Variants in NDST1 observed in about 807,000 individuals in gnomAD.
NDST1 encodes bifunctional heparan sulfate N-deacetylase/N-sulfotransferase 1.
Under a neutral mutation model 92.8 loss-of-function variants are expected in NDST1, and 35 were observed. The observed-to-expected ratio is 0.38, with a 90% CI of 0.29 to 0.50. The LOEUF (loss-of-function observed/expected upper bound fraction) is 0.50. Ranked by LOEUF, NDST1 falls within the 20% of genes least tolerant of loss-of-function variation. NDST1 has a pLI of 0.94. For missense variants in NDST1, 822 were observed against 1,182.7 expected (o/e 0.69, Z 4.47); for synonymous variants, 493 against 500.3 (o/e 0.99, Z 0.19).
chr5:150,526,718 G>A (rs1183353556), intron 2 of NDST1, among the ~76,000 whole-genome samples: 2 of 152,214 alleles, frequency 1.3e-5, no homozygotes, highest in African/African-American at 4.8e-5. Context: ...TATGCATTGG[G>A]TGTGAATTAT....
At chr5:150,500,535 G>A (rs555955623) in intron 1 of NDST1, among the ~76,000 whole-genome samples, 21 of 152,360 alleles carry the variant, frequency 1.4e-4, no homozygotes, top group Admixed American at 3.3e-4. Flanking sequence ...GTGTCTGGGT[G>A]GGGTGAGGGC....
chr5:150,535,868 A>C lies in NDST1; in HGVS notation c.1420A>C (p.Ile474Leu), dbSNP rs1754960527. The C allele has an allele frequency of 5.6e-6, 9 of 1,613,760 alleles. No homozygotes were observed. Among genetic ancestry groups the C allele is most frequent in the Non-Finnish European group, 7.6e-6 (9 of 1,179,870 alleles). ...GCCAGCCCGCTACCGCCGTGGCTTC[A>C]TCCACAATGGCATCATGGTGAGTGG... ...LKPARYRRGF[I>L]HNGIMVLPRQ... The change falls in exon 6 of 15, where the codon ATC (isoleucine) becomes CTC (leucine). Residue 474 changes from isoleucine to leucine, a missense_variant. Physicochemically the swap from Ile to Leu is conservative, Grantham distance 5 (BLOSUM62 2). Coordinates refer to ENST00000261797, the MANE Select transcript of NDST1 (RefSeq NM_001543.5).
rs1158212610 is a variant in NDST1, at chr5:150,540,280, G to A, written c.1749+16G>A. On this transcript the variant is annotated intron_variant, in intron 8 of 14. Transcript: ENST00000261797. ...GCTCTGGCAGGTGGGGGGCTGGGCA[G>A]CCTGGGCAGGTTGCTACAGGGATGG... The A allele has an allele frequency of 3.1e-6, 5 of 1,589,530 alleles. No individual in the cohort carries two copies. Among genetic ancestry groups the A allele is most frequent in the Admixed American group, 1.7e-5 (1 of 58,930 alleles).
chr5:150,539,937 C>T (rs1165844136), intron 7 of NDST1, 145 bp from the exon 8 acceptor site: 13 of 1,234,022 alleles, frequency 1.1e-5, no homozygotes, highest in Admixed American at 6.2e-5. Flanking sequence ...GTACTCGCAG[C>T]GAGTTTGTTG....
chr5:150,534,480 G>C (rs1332150354), intron 4 of NDST1, among the ~76,000 whole-genome samples: 1 of 152,152 alleles, frequency 6.6e-6, no homozygotes, highest in South Asian at 2.1e-4. Context: ...CAAACATCCT[G>C]TATATATACA....
intron 1 of NDST1, among the ~76,000 whole-genome samples, chr5:150,499,404 G>A (rs975211633): frequency 2.0e-5 from 3 of 152,234 alleles, no homozygotes; most frequent in African/African-American, 7.2e-5. Context: ...AGGCATCTGA[G>A]TTTGCAACCC....
chr5:150,533,579 G>C (rs578172515), intron 4 of NDST1, among the ~76,000 whole-genome samples: 60 of 152,184 alleles, frequency 3.9e-4, no homozygotes, highest in African/African-American at 1.4e-3. Flanking sequence ...TCAGGGACTG[G>C]GCAGAACCCC....
intron 3 of NDST1, among the ~76,000 whole-genome samples, chr5:150,530,833 T>A (rs1409372299): frequency 1.3e-5 from 2 of 152,194 alleles, no homozygotes; most frequent in African/African-American, 4.8e-5. Flanking sequence ...GTGCTGGGTT[T>A]ATGAGCATGA....
At chr5:150,539,738 A>G (rs1755160138) in intron 7 of NDST1, 1 of 985,042 alleles carries the variant, frequency 1.0e-6, no homozygotes, top group African/African-American at 1.7e-5. Context: ...TGCTTTAATA[A>G]TATTAAATAA....
intron 4 of NDST1, among the ~76,000 whole-genome samples, chr5:150,533,392 A>G (rs1754834891): frequency 6.6e-6 from 1 of 152,246 alleles, no homozygotes; most frequent in African/African-American, 2.4e-5. Flanking sequence ...ACATTACAGA[A>G]ACATGTAGCA....
chr5:150,548,630 G>A (rs58493902), intron 12 of NDST1, among the ~76,000 whole-genome samples: 5,273 of 152,056 alleles, frequency 0.035, 322 homozygotes, highest in African/African-American at 0.12. Context: ...TCGATGTCCC[G>A]AGCTCACGCA....
rs1755836963 is a variant in NDST1, at chr5:150,554,768, T to C, written c.*1436T>C. ...CTGGGAGCTGCCCTGAGAGCTGGGA[T>C]GCCCACCAAGGCCCACAGAACTGTC... On this transcript the variant is annotated 3_prime_UTR_variant, in exon 15 of 15. Transcript: ENST00000261797. The C allele has an allele frequency of 6.5e-6, 1 of 152,762 alleles. No individual in the cohort carries two copies. The allele number at this position is 152,762 out of a possible 1,614,324, so 9.5% of individuals were successfully genotyped here.
In NDST1 at chr5:150,549,899, G is replaced by A. The variant is rs529898556; in HGVS notation, c.2426+112G>A. On this transcript the variant is annotated intron_variant, in intron 13 of 14. Coordinates refer to ENST00000261797, the MANE Select transcript of NDST1 (RefSeq NM_001543.5). ...GAGAGAAGTTAGTTAGAGTCAGAAA[G>A]TATGGAAAGTTATTAATATGACTTA... 1.9e-5 allele frequency: 14 copies of A among 729,374 alleles called. No individual in the cohort carries two copies. In the African/African-American group the frequency reaches 2.4e-4, roughly 13 times the overall value. The allele number at this position is 729,374 out of a possible 1,614,324, so 45.2% of individuals were successfully genotyped here. A position where few individuals can be genotyped will look rare whatever the true frequency, so the allele number is the denominator to read the frequency against.
intron 6 of NDST1, 69 bp downstream of exon 6, chr5:150,535,954 G>A (rs866797329): frequency 5.8e-5 from 88 of 1,519,178 alleles, no homozygotes; most frequent in Middle Eastern, 2.0e-4. Context: ...GTGTGCATAC[G>A]CTGTCCTGGT....
At position 150,539,342 on chromosome 5, in the gene NDST1, G is replaced by A. The variant is rs373036695; in HGVS notation, c.1552G>A (p.Val518Met). Residue 518 changes from valine to methionine, a missense_variant, in exon 7 of 15, where the codon GTG becomes ATG. Physicochemically the swap from Val to Met is conservative, Grantham distance 21. Transcript: ENST00000261797. ...IINGGELFLT[V>M]LLNPISIFMT... Reference sequence around the variant, plus strand: ...CAACGGGGGCGAGCTCTTCCTCACCGTGCTCCTCAATCCTGTGAGTGCTCC... The same window carrying A: ...CAACGGGGGCGAGCTCTTCCTCACCATGCTCCTCAATCCTGTGAGTGCTCC... 55 of 1,613,948 alleles carry A rather than the reference G, an allele frequency of 3.4e-5. No individual in the cohort carries two copies. Among genetic ancestry groups the A allele is most frequent in the South Asian group, 3.0e-4 (27 of 91,080 alleles).
chr5:150,534,104 AT>A (rs1754873305), intron 4 of NDST1, among the ~76,000 whole-genome samples: 1 of 149,394 alleles, frequency 6.7e-6, no homozygotes, highest in Non-Finnish European at 1.5e-5. Context: ...AAAAAAAATT[AT>A]TTATTTTTAG....
intron 1 of NDST1, among the ~76,000 whole-genome samples, chr5:150,515,065 T>C (rs1753896613): frequency 6.6e-6 from 1 of 152,186 alleles, no homozygotes; most frequent in Non-Finnish European, 1.5e-5. Context: ...GGTAGAGCCA[T>C]GTGCAGGAAT....
chr5:150,552,690 C>T (rs1025193547), intron 14 of NDST1: 34 of 196,310 alleles, frequency 1.7e-4, no homozygotes, highest in African/African-American at 7.1e-4. Context: ...TATTAATTCT[C>T]TCTCCTCTCC....
chr5:150,527,713 C>T, intron 2 of NDST1, 91 bp from the exon 3 acceptor site: 1 of 1,573,614 alleles, frequency 6.4e-7, no homozygotes, highest in South Asian at 1.1e-5. Context: ...AATATTGATA[C>T]CACTGTTATG....
Sources: gnomAD v4.1 joint callset for allele counts (sites outside exome capture counted in the v4.1 genomes callset) on GRCh38, gnomAD v4.1.1 for gene constraint, MANE v1.5 for transcripts, NCBI Gene and HGNC (gene_info 2026-07-23, HGNC 2026-07-21) for gene names.